ITSN2: variants seen among roughly 807,000 people sequenced by gnomAD.
The protein encoded by ITSN2 is intersectin 2, also known as intersectin-2.
ITSN2 carries 156 observed loss-of-function variants against 243.7 expected under a neutral mutation model. The observed-to-expected ratio is 0.64, with a 90% CI of 0.56 to 0.73. ITSN2 has a LOEUF of 0.73. ITSN2 is among the 30% of genes least tolerant of loss of function. ITSN2 has a pLI of 0.00. For missense variants in ITSN2, 1,801 were observed against 1,996.1 expected, an observed-to-expected ratio of 0.90 and a Z score of 1.86; for synonymous variants, 703 against 699.9, an observed-to-expected ratio of 1.00 and a Z score of -0.07.
At chr2:24,213,843 A>G (rs1669720318) in intron 32 of ITSN2, among the ~76,000 whole-genome samples, 1 of 152,182 alleles carries the variant, frequency 6.6e-6, no homozygotes, top group Non-Finnish European at 1.5e-5. Context: ...CCTGCCTCCT[A>G]CCCTTATCAC....
At chr2:24,319,240 T>C (rs996251843) in intron 2 of ITSN2, among the ~76,000 whole-genome samples, 1 of 152,094 alleles carries the variant, frequency 6.6e-6, no homozygotes, top group African/African-American at 2.4e-5. Flanking sequence ...GTTATGGCTC[T>C]GAAATGAGAA....
intron 12 of ITSN2, among the ~76,000 whole-genome samples, chr2:24,299,111 C>A (rs959315357): frequency 6.6e-6 from 1 of 150,376 alleles, no homozygotes; most frequent in East Asian, 2.0e-4. Flanking sequence ...CTCACTGCAA[C>A]CTCCACCACC....
At chr2:24,312,527 T>C (rs1013095141) in intron 4 of ITSN2, 152 bp from the exon 5 acceptor site, 7 of 469,940 alleles carry the variant, frequency 1.5e-5, no homozygotes, top group African/African-American at 8.0e-5. Context: ...AAATATATAA[T>C]AACAAAAAGA....
chr2:24,222,413 AAC>A (rs1670555888), intron 29 of ITSN2, among the ~76,000 whole-genome samples: 1 of 152,116 alleles, frequency 6.6e-6, no homozygotes, highest in Admixed American at 6.5e-5. Context: ...AAGACTGCAA[AAC>A]CACAAACTTA....
At chr2:24,319,322 G>T (rs1170780474) in intron 2 of ITSN2, among the ~76,000 whole-genome samples, 1 of 152,116 alleles carries the variant, frequency 6.6e-6, no homozygotes. Context: ...CAGGAGGTAT[G>T]GTATTAAGAG....
chr2:24,281,179 C>T (rs920976268), intron 17 of ITSN2, among the ~76,000 whole-genome samples: 1 of 152,152 alleles, frequency 6.6e-6, no homozygotes, highest in African/African-American at 2.4e-5. Flanking sequence ...AAGGCGCGTG[C>T]CACCACACCC....
intron 1 of ITSN2, among the ~76,000 whole-genome samples, chr2:24,352,658 A>G (rs1688126522): frequency 6.6e-6 from 1 of 152,204 alleles, no homozygotes; most frequent in Admixed American, 6.5e-5. Context: ...TTTAGCCTTC[A>G]AAAAAATCAA....
At chr2:24,245,863 G>C (rs1673298640) in intron 29 of ITSN2, among the ~76,000 whole-genome samples, 1 of 152,146 alleles carries the variant, frequency 6.6e-6, no homozygotes, top group South Asian at 2.1e-4. Context: ...AGTATAGATG[G>C]CAGTCATACC....
At chr2:24,267,381 TA>T (rs11412953) in intron 20 of ITSN2, among the ~76,000 whole-genome samples, 92 of 139,558 alleles carry the variant, frequency 6.6e-4, no homozygotes, top group African/African-American at 7.8e-4. Flanking sequence ...ACTTAAAGTA[TA>T]AAAAAAAAAA....
At chr2:24,326,392 G>A (rs1054276493) in intron 2 of ITSN2, among the ~76,000 whole-genome samples, 5 of 152,060 alleles carry the variant, frequency 3.3e-5, no homozygotes, top group East Asian at 1.9e-4. Flanking sequence ...AAGAAGGACC[G>A]GGACTGTACT....
At chr2:24,337,330 A>ACATATATATATATATATATATG (rs1553395896) in intron 1 of ITSN2, among the ~76,000 whole-genome samples, 1 of 98,686 alleles carries the variant, frequency 1.0e-5, no homozygotes, top group African/African-American at 4.2e-5. Flanking sequence ...ATATATATAT[A>ACATATATATATATATATATATG]TATATATATA....
At position 24,211,748 on chromosome 2, in the gene ITSN2, C is replaced by T. The variant is rs893602595; in HGVS notation, c.4090-801G>A. 2.0e-5 allele frequency among the ~76,000 whole-genome samples: 3 copies of T among 152,196 alleles called. No homozygotes were observed. The highest frequency in any genetic ancestry group is 4.4e-5 in the Non-Finnish European group (3 of 68,040). Reference sequence around the variant, plus strand: ...TTACAGTGATTGTTCTTATGTTCCACTGTAGGAATATTAGTGTGTCTGGTT... The same window carrying T: ...TTACAGTGATTGTTCTTATGTTCCATTGTAGGAATATTAGTGTGTCTGGTT... On this transcript the variant is annotated intron_variant, in intron 33 of 39. Coordinates refer to ENST00000355123, the MANE Select transcript of ITSN2 (RefSeq NM_006277.3). The surrounding 1 kb of genome is among the most constrained non-coding windows in gnomAD (Gnocchi z 4.1).
intron 13 of ITSN2, among the ~76,000 whole-genome samples, chr2:24,297,400 CTT>C (rs993740758): frequency 6.6e-6 from 1 of 152,160 alleles, no homozygotes; most frequent in Admixed American, 6.5e-5. Context: ...CAAACAAAGT[CTT>C]TTAACAACTT....
chr2:24,340,317 C>A (rs1450822692), intron 1 of ITSN2, among the ~76,000 whole-genome samples: 3 of 151,970 alleles, frequency 2.0e-5, no homozygotes, highest in African/African-American at 4.8e-5. Context: ...CCCATCTCTA[C>A]TAAAAATACA....
At chr2:24,280,114 G>A (rs955556388) in intron 17 of ITSN2, among the ~76,000 whole-genome samples, 3 of 152,146 alleles carry the variant, frequency 2.0e-5, no homozygotes, top group African/African-American at 4.8e-5. Context: ...AGTATAACTT[G>A]ACCAAAAGAG....
intron 1 of ITSN2, among the ~76,000 whole-genome samples, chr2:24,347,875 C>T (rs540921581): frequency 6.6e-6 from 1 of 152,114 alleles, no homozygotes; most frequent in East Asian, 1.9e-4. Flanking sequence ...GAGTTCAAGA[C>T]CAGCCTAGGA....
intron 1 of ITSN2, 43 bp from the exon 2 acceptor site, chr2:24,328,158 C>T: frequency 6.9e-7 from 1 of 1,455,000 alleles, no homozygotes. Context: ...ACAACAAGGG[C>T]AAATCACAGT....
At chr2:24,311,406 A>G (rs78719444) in intron 5 of ITSN2, among the ~76,000 whole-genome samples, 1,626 of 152,190 alleles carry the variant, frequency 0.011, 50 homozygotes, top group East Asian at 0.073. Flanking sequence ...GGGTCTCACT[A>G]TGTTGCCCCG....
chr2:24,257,803 T>C, intron 23 of ITSN2, 85 bp downstream of exon 23: 1 of 1,067,148 alleles, frequency 9.4e-7, no homozygotes. Context: ...ATTGTTATTT[T>C]ATTATACACT....
Sources: gnomAD v4.1 joint callset for allele counts (sites outside exome capture counted in the v4.1 genomes callset) on GRCh38, gnomAD v4.1.1 for gene constraint, Gnocchi (gnomAD v3.1) non-coding constraint, MANE v1.5 for transcripts, NCBI Gene and HGNC (gene_info 2026-07-23, HGNC 2026-07-21) for gene names.